EMSY: variants seen among roughly 807,000 people sequenced by gnomAD.
EMSY encodes BRCA2-interacting transcriptional repressor EMSY.
EMSY carries 26 observed loss-of-function variants against 134.6 expected under a neutral mutation model. The observed-to-expected ratio is 0.19, with a 90% confidence interval of 0.14 to 0.27. The LOEUF (loss-of-function observed/expected upper bound fraction) is 0.27. Ranked by LOEUF, EMSY falls within the 10% of genes least tolerant of loss-of-function variation. The pLI, the probability that EMSY is intolerant of heterozygous loss-of-function variation, is 1.00. For missense variants in EMSY, 1,305 were observed against 1,611.4 expected, an observed-to-expected ratio of 0.81 and a Z score of 3.26; for synonymous variants, 579 against 577.8, an observed-to-expected ratio of 1.00 and a Z score of -0.03.
intron 14 of EMSY, 104 bp from the exon 16 acceptor site, chr11:76,535,791 A>G (rs1951201117): frequency 3.2e-6 from 3 of 939,076 alleles, no homozygotes; most frequent in South Asian, 3.5e-5. Context: ...GAAGTTTACA[A>G]TAAATAGAAA....
At chr11:76,550,775 T>C (rs1951814503) in exon 21 of EMSY, 3 of 152,354 alleles carry the variant, frequency 2.0e-5, no homozygotes, top group Admixed American at 2.0e-4. Context: ...ATTGTATTGT[T>C]CCTTTGTGCT....
intron 18 of EMSY, 50 bp from the exon 20 acceptor site, chr11:76,544,209 A>G (rs962042496): frequency 6.7e-7 from 1 of 1,502,416 alleles, no homozygotes; most frequent in African/African-American, 1.4e-5. Context: ...AAATGTAGCA[A>G]TGTAGATGTT....
At chr11:76,489,315 CTTTTTTT>C (rs57048007) in intron 8 of EMSY, among the ~76,000 whole-genome samples, 17 of 128,146 alleles carry the variant, frequency 1.3e-4, no homozygotes, top group South Asian at 1.0e-3. Context: ...TTCTTGTTTT[CTTTTTTT>C]TTTTTTTTTT....
chr11:76,497,981 A>G (rs1448472723), intron 9 of EMSY, among the ~76,000 whole-genome samples: 1 of 152,144 alleles, frequency 6.6e-6, no homozygotes, highest in Non-Finnish European at 1.5e-5. Flanking sequence ...ATTTGTCACA[A>G]ATTTCTCTCG....
chr11:76,480,660 C>T (rs1948939399), intron 8 of EMSY, among the ~76,000 whole-genome samples: 2 of 148,328 alleles, frequency 1.3e-5, no homozygotes, highest in African/African-American at 5.0e-5. Flanking sequence ...TGGTCTGCAG[C>T]TCCCAGCGAG....
At chr11:76,517,584 A>T (rs1030417060) in intron 11 of EMSY, among the ~76,000 whole-genome samples, 15 of 152,200 alleles carry the variant, frequency 9.9e-5, no homozygotes, top group African/African-American at 2.9e-4. Flanking sequence ...TTTGGATGTC[A>T]TGAGTCCTCT....
chr11:76,520,224 T>G (rs569553882), intron 11 of EMSY, among the ~76,000 whole-genome samples: 8 of 152,300 alleles, frequency 5.3e-5, no homozygotes, highest in African/African-American at 1.9e-4. Context: ...TCCTTTTTCT[T>G]CTATTTTCTG....
At chr11:76,472,674 T>C (rs745505392) in exon 8 of EMSY, 2 of 1,614,096 alleles carry the variant, frequency 1.2e-6, no homozygotes, top group African/African-American at 1.3e-5. Context: ...TCATTGCTTC[T>C]ACAACCCAGA....
chr11:76,533,632 C>T (rs765144360), intron 14 of EMSY, among the ~76,000 whole-genome samples: 1 of 152,138 alleles, frequency 6.6e-6, no homozygotes, highest in Non-Finnish European at 1.5e-5. Context: ...ATAATAGAGA[C>T]ATAGGAGATA....
At chr11:76,468,498 G>A (rs2135278000) in intron 7 of EMSY, among the ~76,000 whole-genome samples, 1 of 152,162 alleles carries the variant, frequency 6.6e-6, no homozygotes, top group Admixed American at 6.5e-5. Context: ...ACTAATAAAT[G>A]TTCTTGGAGT....
At chr11:76,450,969 A>AT (rs1440118432) in intron 2 of EMSY, among the ~76,000 whole-genome samples, 5 of 150,224 alleles carry the variant, frequency 3.3e-5, no homozygotes, top group South Asian at 4.3e-4. Context: ...AATTTTTTGT[A>AT]TTTTTTTTGT....
In EMSY at chr11:76,453,407, C is replaced by T; in HGVS notation, c.245+19C>T. Reference sequence around the variant, plus strand: ...CACATAAGTAAGCCATTAGTCGTACCATCCCTGATTTTTTATGACATAGTA... The same window carrying T: ...CACATAAGTAAGCCATTAGTCGTACTATCCCTGATTTTTTATGACATAGTA... On this transcript the variant is annotated intron_variant, in intron 4 of 20. Transcript: ENST00000334736. The T allele has an allele frequency of 1.2e-6, 2 of 1,606,736 alleles. No homozygotes were observed. Among genetic ancestry groups the T allele is most frequent in the South Asian group, 2.2e-5 (2 of 90,294 alleles).
rs1358187469 is a variant in EMSY at position 76,542,204 on chromosome 11, C to T, written c.2558-12C>T. The T allele has an allele frequency of 1.2e-6, 2 of 1,613,950 alleles. No individual in the cohort carries two copies. Among genetic ancestry groups the T allele is most frequent in the Non-Finnish European group, 1.7e-6 (2 of 1,179,960 alleles). Reference sequence around the variant, plus strand: ...ATTTCTGGAGAAATATCATCACCTCCTCTATTTTCAGTCAGCCATCGCTCC... The same window carrying T: ...ATTTCTGGAGAAATATCATCACCTCTTCTATTTTCAGTCAGCCATCGCTCC... On this transcript the variant is annotated splice_polypyrimidine_tract_variant and intron_variant, in intron 17 of 20. Transcript: ENST00000334736.
intron 14 of EMSY, among the ~76,000 whole-genome samples, chr11:76,529,415 T>C (rs1950955452): frequency 6.6e-6 from 1 of 152,218 alleles, no homozygotes; most frequent in Admixed American, 6.5e-5. Flanking sequence ...TCTTCCTTGA[T>C]TAGTCTTACA....
intron 4 of EMSY, among the ~76,000 whole-genome samples, chr11:76,454,444 T>G (rs912289569): frequency 3.9e-5 from 6 of 152,120 alleles, no homozygotes; most frequent in Non-Finnish European, 8.8e-5. Context: ...CTAACATGGT[T>G]GAAACACTCA....
chr11:76,533,670 C>A (rs75791171), intron 14 of EMSY, among the ~76,000 whole-genome samples: 1,786 of 152,218 alleles, frequency 0.012, 34 homozygotes, highest in African/African-American at 0.041. Flanking sequence ...CTGAGTCTGC[C>A]TTTGAGTATA....
intron 16 of EMSY, among the ~76,000 whole-genome samples, chr11:76,538,494 CAA>C (rs1951310028): frequency 1.3e-5 from 2 of 152,066 alleles, no homozygotes; most frequent in Admixed American, 6.6e-5. Flanking sequence ...TTCCTGGGCT[CAA>C]GAGATCCGTC....
intron 8 of EMSY, among the ~76,000 whole-genome samples, chr11:76,486,422 G>A (rs966897164): frequency 5.3e-5 from 8 of 152,144 alleles, no homozygotes; most frequent in Admixed American, 4.6e-4. Context: ...TTCTTGAACA[G>A]CATACTAACA....
chr11:76,447,019 C>T lies in EMSY; in HGVS notation c.70+11C>T. ...TTCTTCGAAAATTGGGTATGACGTT[C>T]ATTGTTTGTTTTTTACCTCTCTCTG... On this transcript the variant is annotated intron_variant, in intron 2 of 20. Coordinates refer to ENST00000334736, the Ensembl canonical transcript of EMSY. The T allele has an allele frequency of 6.2e-7, 1 of 1,612,800 alleles. No homozygotes were observed. The highest frequency in any genetic ancestry group is 1.3e-5 in the African/African-American group (1 of 74,958).
Sources: gnomAD v4.1 joint callset for allele counts (sites outside exome capture counted in the v4.1 genomes callset) on GRCh38, gnomAD v4.1.1 for gene constraint, MANE v1.5 for transcripts, NCBI Gene and HGNC (gene_info 2026-07-23, HGNC 2026-07-21) for gene names.